The following NBEAL1 variants were observed in gnomAD, a reference collection of about 807,000 sequenced individuals.
NBEAL1 encodes neurobeachin-like protein 1.
In NBEAL1, 273 loss-of-function variants were observed where a neutral mutation model predicts 351.3. The ratio of observed to expected loss-of-function variants is 0.78; its 90% CI spans 0.70 to 0.86. NBEAL1 has a LOEUF of 0.86. Among genes scored for constraint, NBEAL1 ranks in the 40% least tolerant of loss-of-function variants. NBEAL1 has a pLI of 0.00. For missense variants in NBEAL1, 2,961 were observed against 3,201.3 expected, an observed-to-expected ratio of 0.92 and a Z score of 1.81; for synonymous variants, 1,050 against 1,086.4, an observed-to-expected ratio of 0.97 and a Z score of 0.66.
rs1476264089 is a variant in NBEAL1, at chr2:203,188,538, G to A, written c.6772G>A (p.Gly2258Arg). ...IDLIFGYKQR[G>R]PAAVEALNVF... ...TCTGATCTTTGGCTATAAACAGAGG[G>A]GACCAGCTGCAGTAGAGGCACTCAA... is the stretch of plus-strand genomic sequence containing the variant. The change falls in exon 45 of 56, where the codon GGA (glycine) becomes AGA (arginine). Residue 2258 changes from glycine to arginine, a missense_variant. Transcript: ENST00000683969. The A allele has an allele frequency of 5.0e-6, 8 of 1,609,878 alleles. No homozygotes were observed. The highest frequency in any genetic ancestry group is 6.8e-6 in the Non-Finnish European group (8 of 1,178,170).
chr2:203,101,510 A>G (rs2062320791), intron 12 of NBEAL1, among the ~76,000 whole-genome samples: 1 of 152,088 alleles, frequency 6.6e-6, no homozygotes, highest in South Asian at 2.1e-4. Context: ...ATTAATTTTA[A>G]AATAGGTTTT....
chr2:203,097,518 T>C, intron 10 of NBEAL1, 29 bp from the exon 11 acceptor site: 1 of 903,682 alleles, frequency 1.1e-6, no homozygotes, highest in Non-Finnish European at 1.3e-6. Flanking sequence ...ATGTTCTTTC[T>C]CCATTATTCT....
Position 203,144,624 on chromosome 2 carries a change from C to CT in NBEAL1, c.4874dup (p.Asn1626LysfsTer10). The CT allele has an allele frequency of 6.2e-7, 1 of 1,613,834 alleles. No individual in the cohort carries two copies. The highest frequency in any genetic ancestry group is 8.5e-7 in the Non-Finnish European group (1 of 1,179,842). Reference sequence around the variant, plus strand: ...GGTTTGTGCAATGGCATCAGCTAAGCTAAATACCCTTCTTCAGACCAAAGT... The same window carrying CT: ...GGTTTGTGCAATGGCATCAGCTAAGCTTAAATACCCTTCTTCAGACCAAAGT... On this transcript the variant is annotated frameshift_variant, in exon 32 of 56. Transcript: ENST00000683969. LOFTEE classifies it high-confidence loss of function.
In NBEAL1 at chr2:203,215,128, C is replaced by T. The variant is rs189171985; in HGVS notation, c.8070+1475C>T. Reference sequence around the variant, plus strand: ...ATCCCAGCACTTTGGAAGGCCAAGGCGGGCGGATCATGAGGTCAAGACATC... The same window carrying T: ...ATCCCAGCACTTTGGAAGGCCAAGGTGGGCGGATCATGAGGTCAAGACATC... On this transcript the variant is annotated intron_variant, in intron 55 of 55. Transcript: ENST00000683969. Among the ~76,000 whole-genome samples the T allele has an allele frequency of 1.3e-4, 20 of 152,118 alleles. No homozygotes were observed. The East Asian group carries it at 3.9e-3, about 30-fold the overall frequency.
chr2:203,132,669 T>A (rs140114258), intron 26 of NBEAL1, among the ~76,000 whole-genome samples: 1 of 152,302 alleles, frequency 6.6e-6, no homozygotes, highest in East Asian at 1.9e-4. Flanking sequence ...CATGCCCTGC[T>A]TCTAATTTTT....
At chr2:203,083,605 C>A in intron 9 of NBEAL1, 80 bp downstream of exon 9, 2 of 1,109,666 alleles carry the variant, frequency 1.8e-6, no homozygotes, top group Non-Finnish European at 2.5e-6. Flanking sequence ...AATACAAGGC[C>A]ATTGTATGGA....
intron 18 of NBEAL1, among the ~76,000 whole-genome samples, chr2:203,119,369 T>G (rs1302112325): frequency 2.0e-5 from 3 of 150,790 alleles, no homozygotes; most frequent in Non-Finnish European, 4.4e-5. Context: ...TCCACCCACT[T>G]AGGCCTTGCA....
rs2065960392 is a variant in NBEAL1, at chr2:203,222,143, C to T, written c.*4789C>T. On this transcript the variant is annotated 3_prime_UTR_variant, in exon 56 of 56. Coordinates refer to ENST00000683969, the MANE Select transcript of NBEAL1 (RefSeq NM_001378026.1). ...TCAAGGCTGCAGTAAGCTGTGATTG[C>T]ACCACTGCACTTCAGCCTAGGTGGC... Among the ~76,000 whole-genome samples, 1 of 152,200 alleles carries T rather than the reference C, an allele frequency of 6.6e-6. No homozygotes were observed. The highest frequency in any genetic ancestry group is 2.1e-4 in the South Asian group (1 of 4,828).
chr2:203,120,861 G>A (rs142094169), intron 18 of NBEAL1, among the ~76,000 whole-genome samples: 27 of 152,296 alleles, frequency 1.8e-4, no homozygotes, highest in African/African-American at 6.3e-4. Context: ...AGAGAAAGAC[G>A]TGTCTGTCTC....
chr2:203,143,130 A>G (rs2063422891), intron 31 of NBEAL1, among the ~76,000 whole-genome samples: 1 of 152,210 alleles, frequency 6.6e-6, no homozygotes, highest in African/African-American at 2.4e-5. Context: ...GTGAGGATAT[A>G]GGGTTAAGGG....
chr2:203,044,653 CTG>C (rs752195994), intron 3 of NBEAL1, among the ~76,000 whole-genome samples: 3 of 152,142 alleles, frequency 2.0e-5, no homozygotes, highest in Non-Finnish European at 2.9e-5. Flanking sequence ...TGTCAAAAAA[CTG>C]AAACATGAAT....
intron 37 of NBEAL1, 85 bp from the exon 38 acceptor site, chr2:203,167,141 CT>C (rs991811270): frequency 1.6e-6 from 2 of 1,286,594 alleles, no homozygotes; most frequent in African/African-American, 1.5e-5. Context: ...TTCCTAAAAC[CT>C]TTTGTCAAGA....
At position 203,210,624 on chromosome 2, in the gene NBEAL1, A is replaced by G. The variant is rs190013647; in HGVS notation, c.7786-334A>G. Among the ~76,000 whole-genome samples, 1,356 of 152,326 alleles carry G rather than the reference A, an allele frequency of 8.9e-3. 14 individuals are homozygous for G. The highest frequency in any genetic ancestry group is 0.031 in the African/African-American group (1,274 of 41,568). ...GCTTTCAGTGAGCCAAGATTGTGCCACTGCACTCCAGCCTGGGTGACAGAA... is the reference window on the plus strand; with the variant it reads ...GCTTTCAGTGAGCCAAGATTGTGCCGCTGCACTCCAGCCTGGGTGACAGAA... On this transcript the variant is annotated intron_variant, in intron 53 of 55. Coordinates refer to ENST00000683969, the MANE Select transcript of NBEAL1 (RefSeq NM_001378026.1).
intron 18 of NBEAL1, among the ~76,000 whole-genome samples, chr2:203,116,271 A>T (rs1270591338): frequency 1.3e-5 from 2 of 152,182 alleles, no homozygotes. Context: ...AAATATTATC[A>T]TTATGTCATC....
chr2:203,169,307 G>A (rs2064242185), intron 38 of NBEAL1, among the ~76,000 whole-genome samples: 1 of 148,840 alleles, frequency 6.7e-6, no homozygotes. Context: ...AGCTGTTAGT[G>A]ACTATGGGAT....
chr2:203,196,409 G>A (rs755745554), intron 47 of NBEAL1, among the ~76,000 whole-genome samples: 4 of 152,168 alleles, frequency 2.6e-5, no homozygotes, highest in Admixed American at 6.5e-5. Flanking sequence ...AATATGAAAA[G>A]AGAAGGCCTT....
intron 4 of NBEAL1, among the ~76,000 whole-genome samples, chr2:203,050,886 A>G (rs528005822): frequency 7.2e-5 from 11 of 152,262 alleles, no homozygotes; most frequent in African/African-American, 2.4e-4. Flanking sequence ...GGGCATCTGC[A>G]TATAAGAATT....
Position 203,223,536 on chromosome 2 carries a change from T to G in NBEAL1, c.*6182T>G, listed in dbSNP as rs2105869548. On this transcript the variant is annotated 3_prime_UTR_variant, in exon 56 of 56. Coordinates refer to ENST00000683969, the MANE Select transcript of NBEAL1 (RefSeq NM_001378026.1). ...TTAGCGGCTTGTAATGCTGTTACAA[T>G]GTAGCATTGTAATGTAAGATGAAGA... 6.6e-6 allele frequency among the ~76,000 whole-genome samples: 1 copy of G among 152,200 alleles called. No individual in the cohort carries two copies. The highest frequency in any genetic ancestry group is 2.1e-4 in the South Asian group (1 of 4,830).
Position 203,127,763 on chromosome 2 carries a change from C to T in NBEAL1, c.3249-18C>T. The T allele has an allele frequency of 3.4e-6, 5 of 1,451,968 alleles. No homozygotes were observed. Among genetic ancestry groups the T allele is most frequent in the Non-Finnish European group, 4.7e-6 (5 of 1,065,098 alleles). The allele number at this position is 1,451,968 out of a possible 1,614,324, so 89.9% of individuals were successfully genotyped here. A position where few individuals can be genotyped will look rare whatever the true frequency, so the allele number is the denominator to read the frequency against. ...AAAAATTAAAATTTCAATTCTTATA[C>T]TTTGTTTTGTCTTTCAGGAATGGTT... is the stretch of plus-strand genomic sequence containing the variant. On this transcript the variant is annotated intron_variant, in intron 23 of 55. Coordinates refer to ENST00000683969, the MANE Select transcript of NBEAL1 (RefSeq NM_001378026.1).
Sources: allele counts gnomAD v4.1 joint callset (sites outside exome capture counted in the v4.1 genomes callset), GRCh38; gene constraint gnomAD v4.1.1; transcripts MANE v1.5; gene names NCBI Gene and HGNC (gene_info 2026-07-23, HGNC 2026-07-21).